Variants in RUNX1 observed in about 807,000 individuals in gnomAD.
RUNX1 encodes runt-related transcription factor 1.
A neutral mutation model predicts 42.8 loss-of-function variants in RUNX1; 19 were observed. The observed-to-expected ratio is 0.44, with a 90% CI of 0.31 to 0.65. The LOEUF is 0.65. Among genes scored for constraint, RUNX1 ranks in the 30% least tolerant of loss-of-function variants. RUNX1 has a pLI of 0.07. For missense variants in RUNX1, 528 were observed against 672.0 expected (o/e 0.79, Z 2.37); for synonymous variants, 271 against 289.4 (o/e 0.94, Z 0.64).
chr21:34,922,980 A>G (rs1161300996), intron 2 of RUNX1, among the ~76,000 whole-genome samples: 3 of 152,222 alleles, frequency 2.0e-5, no homozygotes, highest in African/African-American at 7.2e-5. Context: ...TGATTACCCT[A>G]TTTTATAGAG....
At chr21:34,895,560 T>C (rs560283110) in intron 2 of RUNX1, among the ~76,000 whole-genome samples, 1 of 152,160 alleles carries the variant, frequency 6.6e-6, no homozygotes, top group South Asian at 2.1e-4. Flanking sequence ...TTTTAGGTGG[T>C]TCAAAGAGCT....
rs113842420 is a variant in RUNX1, at chr21:34,822,580, A to G, written c.805+11830T>C. Among the ~76,000 whole-genome samples the G allele has an allele frequency of 1.4e-3, 210 of 152,346 alleles. 2 individuals are homozygous for G. Among genetic ancestry groups the G allele is most frequent in the African/African-American group, 4.6e-3 (193 of 41,578 alleles). On this transcript the variant is annotated intron_variant, in intron 7 of 8. Transcript: ENST00000675419. ...CTTGTTGGACGACCAACAGAAGCGC[A>G]TCTTAAAACTCAGGCAGTTATGGCT...
chr21:35,045,124 T>C (rs892553395), intron 2 of RUNX1, among the ~76,000 whole-genome samples: 10 of 152,242 alleles, frequency 6.6e-5, no homozygotes, highest in African/African-American at 2.4e-4. Context: ...ACTCGTCATT[T>C]TCTACAGTTT....
At chr21:34,949,165 T>C (rs1478812386) in intron 2 of RUNX1, among the ~76,000 whole-genome samples, 1 of 152,166 alleles carries the variant, frequency 6.6e-6, no homozygotes, top group Non-Finnish European at 1.5e-5. Context: ...AACAGATGTG[T>C]GTGATGTTTT....
chr21:34,888,279 C>T, intron 3 of RUNX1: 1 of 1,067,456 alleles, frequency 9.4e-7, no homozygotes, highest in Non-Finnish European at 1.1e-6. Flanking sequence ...GGGAGGGCTC[C>T]GCGGCGCAGA....
At chr21:35,003,820 AG>A (rs1352876528) in intron 2 of RUNX1, among the ~76,000 whole-genome samples, 1 of 152,230 alleles carries the variant, frequency 6.6e-6, no homozygotes, top group Non-Finnish European at 1.5e-5. Context: ...GCCTAAAATG[AG>A]CACTGTGATC....
intron 2 of RUNX1, among the ~76,000 whole-genome samples, chr21:34,940,736 T>A (rs964222811): frequency 1.3e-5 from 2 of 152,210 alleles, no homozygotes; most frequent in Admixed American, 6.5e-5. Flanking sequence ...GCTCCCCACA[T>A]GAGGTAAGAA....
intron 2 of RUNX1, among the ~76,000 whole-genome samples, chr21:35,039,821 A>C (rs2059344472): frequency 6.6e-6 from 1 of 152,220 alleles, no homozygotes; most frequent in South Asian, 2.1e-4. Context: ...AGGTTGCTTA[A>C]CGTTGTTCCT....
chr21:34,803,204 G>A (rs2056631898), intron 7 of RUNX1, among the ~76,000 whole-genome samples: 1 of 152,096 alleles, frequency 6.6e-6, no homozygotes, highest in African/African-American at 2.4e-5. Flanking sequence ...GATTAGGATG[G>A]AGAAGGCAGG....
Position 34,977,248 on chromosome 21 carries a change from G to C in RUNX1, c.58+71594C>G, listed in dbSNP as rs376116274. ...TCTACACGGTGTTGAATTCCCCACT[G>C]TACCCAAAGATCGATGGCTCATCCT... On this transcript the variant is annotated intron_variant, in intron 2 of 8. Transcript: ENST00000675419. Among the ~76,000 whole-genome samples, 140 of 152,290 alleles carry C rather than the reference G, an allele frequency of 9.2e-4. No individual in the cohort carries two copies. The South Asian group carries it at 0.014, about 15-fold the overall frequency.
chr21:34,880,781 G>A (rs2146365391), intron 4 of RUNX1, 68 bp from the exon 5 acceptor site: 3 of 1,478,184 alleles, frequency 2.0e-6, no homozygotes, highest in Admixed American at 1.7e-5. Context: ...GGGCATTTGT[G>A]TAGTGATTAT....
intron 2 of RUNX1, among the ~76,000 whole-genome samples, chr21:34,967,426 G>A (rs548833500): frequency 8.9e-5 from 13 of 146,530 alleles, no homozygotes; most frequent in East Asian, 6.3e-4. Context: ...CCAGGCCACC[G>A]AGACTCAACT....
intron 6 of RUNX1, among the ~76,000 whole-genome samples, chr21:34,838,729 T>G (rs764587791): frequency 1.8e-4 from 28 of 152,128 alleles, no homozygotes; most frequent in African/African-American, 1.9e-4. Context: ...GGTATCACAG[T>G]CTAACCTTTA....
At chr21:34,928,965 G>T (rs114422026) in intron 2 of RUNX1, among the ~76,000 whole-genome samples, 57,161 of 148,434 alleles carry the variant, frequency 0.39, 12,139 homozygotes, top group East Asian at 0.6. Flanking sequence ...TTTTTTTGGG[G>T]GGGGGGGTAG....
At chr21:35,038,635 G>GTA (rs2059333718) in intron 2 of RUNX1, 1 of 453,962 alleles carries the variant, frequency 2.2e-6, no homozygotes, top group African/African-American at 2.0e-5. Context: ...GTGTGTGTGT[G>GTA]TGTGTGTGTG....
At chr21:34,956,560 A>G (rs1370329444) in intron 2 of RUNX1, among the ~76,000 whole-genome samples, 1 of 152,158 alleles carries the variant, frequency 6.6e-6, no homozygotes, top group Non-Finnish European at 1.5e-5. Flanking sequence ...ACACAGTGCC[A>G]CATTCTTGGC....
intron 2 of RUNX1, among the ~76,000 whole-genome samples, chr21:34,897,590 T>G (rs2058140748): frequency 6.6e-6 from 1 of 152,184 alleles, no homozygotes; most frequent in Non-Finnish European, 1.5e-5. Context: ...TTAAATATAT[T>G]GGGTGGTGGG....
chr21:35,043,325 A>T (rs1225698461), intron 2 of RUNX1, among the ~76,000 whole-genome samples: 1 of 152,178 alleles, frequency 6.6e-6, no homozygotes, highest in Admixed American at 6.5e-5. Flanking sequence ...GACTGGTGGC[A>T]TCTGATGGGG....
At chr21:35,038,205 T>C (rs543860631) in intron 2 of RUNX1, among the ~76,000 whole-genome samples, 117 of 152,228 alleles carry the variant, frequency 7.7e-4, no homozygotes, top group African/African-American at 2.7e-3. Context: ...ACACAGGTGG[T>C]GGATGATGGT....
Sources: allele counts gnomAD v4.1 joint callset (sites outside exome capture counted in the v4.1 genomes callset), GRCh38; gene constraint gnomAD v4.1.1; transcripts MANE v1.5; gene names NCBI Gene and HGNC (gene_info 2026-07-23, HGNC 2026-07-21).